The following PLCG2 variants were observed in gnomAD, a reference collection of about 807,000 sequenced individuals.
PLCG2 encodes the protein 1-phosphatidylinositol 4,5-bisphosphate phosphodiesterase gamma-2.
A neutral mutation model predicts 175.6 loss-of-function variants in PLCG2; 69 were observed. The observed-to-expected ratio is 0.39, with a 90% CI of 0.32 to 0.48. The LOEUF is 0.48. PLCG2 is among the 20% of genes least tolerant of loss of function. The pLI is 0.91. For missense variants in PLCG2, 1,798 were observed against 1,650.9 expected, an observed-to-expected ratio of 1.09 and a Z score of -1.54; for synonymous variants, 827 against 624.0, an observed-to-expected ratio of 1.33 and a Z score of -4.85.
In PLCG2 at chr16:81,956,897, C is replaced by G. The variant is rs747022552; in HGVS notation, c.3755+18C>G. ...AACAAGAGGTAGGTCAGCCCCTCCA[C>G]CTGCAAAAACTTTTGGGGGGTCTCT... On this transcript the variant is annotated intron_variant, in intron 32 of 32. Transcript: ENST00000564138. 6.2e-7 allele frequency: 1 copy of G among 1,606,572 alleles called. No individual in the cohort carries two copies. Among genetic ancestry groups the G allele is most frequent in the Non-Finnish European group, 8.5e-7 (1 of 1,174,582 alleles).
chr16:81,851,453 A>T (rs1906404627), intron 2 of PLCG2, among the ~76,000 whole-genome samples: 1 of 152,184 alleles, frequency 6.6e-6, no homozygotes, highest in Non-Finnish European at 1.5e-5. Flanking sequence ...CTACCACCGT[A>T]CATGCACAGG....
At chr16:81,832,103 GGA>G (rs869082485) in intron 2 of PLCG2, among the ~76,000 whole-genome samples, 9 of 124,230 alleles carry the variant, frequency 7.2e-5, no homozygotes, top group East Asian at 6.2e-4. Context: ...TTTGATAAAT[GGA>G]GGGGGGGAAT....
chr16:81,889,646 T>A (rs546605518), intron 10 of PLCG2, among the ~76,000 whole-genome samples: 16 of 152,174 alleles, frequency 1.1e-4, no homozygotes, highest in Admixed American at 2.0e-4. Flanking sequence ...TTTATGTTTT[T>A]GTTTGTTTGC....
chr16:81,786,829 A>C (rs1165873210), intron 2 of PLCG2, among the ~76,000 whole-genome samples: 1 of 152,188 alleles, frequency 6.6e-6, no homozygotes, highest in Non-Finnish European at 1.5e-5. Flanking sequence ...TTGTGTTTTT[A>C]AATTAACTAG....
intron 1 of PLCG2, among the ~76,000 whole-genome samples, chr16:81,746,242 T>G (rs555657066): frequency 6.6e-6 from 1 of 152,276 alleles, no homozygotes; most frequent in Non-Finnish European, 1.5e-5. Flanking sequence ...GCTTCCCGGT[T>G]TATAACTTCA....
At position 81,883,250 on chromosome 16, in the gene PLCG2, C is replaced by A; in HGVS notation, c.693-19C>A. On this transcript the variant is annotated intron_variant, in intron 8 of 32. Coordinates refer to ENST00000564138, the MANE Select transcript of PLCG2 (RefSeq NM_002661.5). The stretch of plus-strand genomic sequence containing the variant: ...TGAATGTGTCTGTCTCTAACTGCAC[C>A]CCCTTTCCCCGAGGATAGGAACACT... The A allele has an allele frequency of 5.6e-6, 9 of 1,611,046 alleles. No homozygotes were observed. The highest frequency in any genetic ancestry group is 6.8e-6 in the Non-Finnish European group (8 of 1,177,196).
intron 1 of PLCG2, among the ~76,000 whole-genome samples, chr16:81,784,854 G>C (rs4281704): frequency 0.76 from 115,853 of 151,932 alleles, 44,540 homozygotes; most frequent in South Asian, 0.88. Context: ...CCTGGGGAGC[G>C]CCTTCACTCT....
At chr16:81,924,536 A>G (rs1910182502) in intron 22 of PLCG2, among the ~76,000 whole-genome samples, 2 of 152,244 alleles carry the variant, frequency 1.3e-5, no homozygotes, top group East Asian at 3.8e-4. Flanking sequence ...CCAGGGCCAC[A>G]TAGCAGGCTG....
chr16:81,936,045 G>A (rs112292373), intron 26 of PLCG2, 124 bp from the exon 27 acceptor site: 144 of 1,473,870 alleles, frequency 9.8e-5, no homozygotes, highest in Non-Finnish European at 1.2e-4. Flanking sequence ...AGAACCCCTT[G>A]AATGTCAAAG....
intron 2 of PLCG2, among the ~76,000 whole-genome samples, chr16:81,773,336 T>C (rs1567455750): frequency 6.6e-6 from 1 of 152,184 alleles, no homozygotes; most frequent in Non-Finnish European, 1.5e-5. Flanking sequence ...TGTGAGATCA[T>C]TGATAGCCTT....
chr16:81,776,073 T>TC (rs1910392865), upstream of PLCG2, among the ~76,000 whole-genome samples: 2 of 33,818 alleles, frequency 5.9e-5, no homozygotes, highest in African/African-American at 1.5e-4. Flanking sequence ...AGTGGTTTCT[T>TC]TCTCTCTCTC....
intron 2 of PLCG2, among the ~76,000 whole-genome samples, chr16:81,838,778 AAT>A (rs10549962): frequency 0.07 from 9,894 of 141,404 alleles, 475 homozygotes; most frequent in African/African-American, 0.14. Context: ...AGTAAAATTA[AAT>A]ATATATATAT....
At chr16:81,836,453 G>C (rs1374756726) in intron 2 of PLCG2, among the ~76,000 whole-genome samples, 2 of 152,162 alleles carry the variant, frequency 1.3e-5, no homozygotes, top group Admixed American at 6.5e-5. Flanking sequence ...AAGAGTGCAA[G>C]CTTTGGGCCG....
intron 2 of PLCG2, among the ~76,000 whole-genome samples, chr16:81,759,859 G>C (rs1256459012): frequency 6.6e-6 from 1 of 152,246 alleles, no homozygotes; most frequent in Admixed American, 6.5e-5. Flanking sequence ...GGGCGTGGTG[G>C]CTCACGCCTG....
intron 8 of PLCG2, among the ~76,000 whole-genome samples, chr16:81,882,100 T>G (rs1908109377): frequency 6.6e-6 from 1 of 152,208 alleles, no homozygotes; most frequent in South Asian, 2.1e-4. Flanking sequence ...ATGTTTCATC[T>G]CTTACACTAT....
chr16:81,834,162 G>C (rs1905391578), intron 2 of PLCG2, among the ~76,000 whole-genome samples: 2 of 152,192 alleles, frequency 1.3e-5, no homozygotes, highest in African/African-American at 2.4e-5. Context: ...ATCTTCCTGG[G>C]CTGTCTCTGG....
chr16:81,769,751 C>T (rs1446724970), intron 2 of PLCG2, among the ~76,000 whole-genome samples: 1 of 130,580 alleles, frequency 7.7e-6, no homozygotes, highest in Non-Finnish European at 1.6e-5. Context: ...ACCCGGGAGG[C>T]GGAGCTTGCA....
intron 24 of PLCG2, among the ~76,000 whole-genome samples, chr16:81,930,040 G>T (rs953742102): frequency 5.3e-5 from 8 of 152,048 alleles, no homozygotes; most frequent in Non-Finnish European, 1.0e-4. Context: ...CCTCAGTTTT[G>T]CCTCCTGCAA....
At chr16:81,790,555 T>C (rs1911185530) in intron 2 of PLCG2, among the ~76,000 whole-genome samples, 1 of 152,196 alleles carries the variant, frequency 6.6e-6, no homozygotes. Context: ...GGCAATTTCC[T>C]CACGGGGTTC....
Sources: allele counts gnomAD v4.1 joint callset (sites outside exome capture counted in the v4.1 genomes callset), GRCh38; gene constraint gnomAD v4.1.1; transcripts MANE v1.5; gene names NCBI Gene and HGNC (gene_info 2026-07-23, HGNC 2026-07-21).